The following SNX29 variants were observed in gnomAD, a reference collection of about 807,000 sequenced individuals.
SNX29 encodes sorting nexin 29, also known as sorting nexin-29.
Under a neutral mutation model 102.1 loss-of-function variants are expected in SNX29, and 78 were observed. The observed-to-expected ratio is 0.76, with a 90% CI of 0.64 to 0.92. The LOEUF is 0.92. SNX29 is among the 40% of genes least tolerant of loss of function. The pLI, the probability that SNX29 is intolerant of heterozygous loss-of-function variation, is 0.00. For missense variants in SNX29, 1,280 were observed against 1,061.7 expected (o/e 1.21, Z -2.86); for synonymous variants, 580 against 414.5 (o/e 1.40, Z -4.85).
In SNX29 at chr16:12,353,920, C is replaced by A. The variant is rs564780094; in HGVS notation, c.1783-2243C>A. On this transcript the variant is annotated intron_variant, in intron 15 of 20. Transcript: ENST00000566228. ...TTGGAGGAGAATGGATTGGAGGGCA[C>A]CTGTTCTCTCTCTGTCCTATTTTCT... Among the ~76,000 whole-genome samples the A allele has an allele frequency of 1.9e-3, 292 of 152,292 alleles. 2 individuals carry two copies. Among genetic ancestry groups the A allele is most frequent in the African/African-American group, 6.7e-3 (277 of 41,540 alleles).
intron 3 of SNX29, among the ~76,000 whole-genome samples, chr16:12,018,808 G>A (rs967497334): frequency 6.8e-5 from 10 of 147,940 alleles, no homozygotes; most frequent in Admixed American, 2.7e-4. Flanking sequence ...TGCAGGTCTC[G>A]AACTCCTGGG....
At position 12,364,181 on chromosome 16, in the gene SNX29, A is replaced by ATGTTATGTTATGTTG. The variant is rs1328460669; in HGVS notation, c.1899+7916_1899+7917insGTGTTATGTTATGTT. ...CTTGTTTGTTATGTTATGTTATGTT[A>ATGTTATGTTATGTTG]TGTTATGTTATGTTATGTTATGTTA... On this transcript the variant is annotated intron_variant, in intron 16 of 20. Transcript: ENST00000566228. Among the ~76,000 whole-genome samples, 10 of 150,340 alleles carry ATGTTATGTTATGTTG rather than the reference A, an allele frequency of 6.7e-5. No individual in the cohort carries two copies. The East Asian group carries it at 1.8e-3, about 27-fold the overall frequency.
At chr16:12,070,022 C>T (rs2051223809) in intron 10 of SNX29, among the ~76,000 whole-genome samples, 1 of 152,180 alleles carries the variant, frequency 6.6e-6, no homozygotes, top group Non-Finnish European at 1.5e-5. Context: ...CAAGATTTGA[C>T]CATCCTAGTG....
At chr16:12,559,733 G>C (rs1424643020) in intron 20 of SNX29, among the ~76,000 whole-genome samples, 4 of 152,098 alleles carry the variant, frequency 2.6e-5, no homozygotes, top group Non-Finnish European at 4.4e-5. Context: ...AGAAATAGAT[G>C]AAATAGTGAT....
intron 15 of SNX29, among the ~76,000 whole-genome samples, chr16:12,303,347 C>G (rs3924882): frequency 0.032 from 4,908 of 152,262 alleles, 127 homozygotes; most frequent in African/African-American, 0.062. Context: ...CTTAGATATC[C>G]ATCGATAAGA....
chr16:12,039,926 A>G (rs1007357080), intron 4 of SNX29, among the ~76,000 whole-genome samples: 1 of 152,242 alleles, frequency 6.6e-6, no homozygotes, highest in East Asian at 1.9e-4. Flanking sequence ...TTACTGCAAT[A>G]GCTGGTGCAT....
chr16:12,006,729 C>G (rs1057459487), intron 3 of SNX29, among the ~76,000 whole-genome samples: 1 of 151,862 alleles, frequency 6.6e-6, no homozygotes, highest in Non-Finnish European at 1.5e-5. Flanking sequence ...CAAGATCTTC[C>G]CATCTCAGCC....
chr16:11,986,024 C>G (rs538328419), intron 1 of SNX29, among the ~76,000 whole-genome samples: 34 of 151,808 alleles, frequency 2.2e-4, no homozygotes, highest in Admixed American at 3.9e-4. Flanking sequence ...AGACTGGTCT[C>G]GAACTCCTGA....
intron 19 of SNX29, among the ~76,000 whole-genome samples, chr16:12,501,395 C>T (rs60216750): frequency 2.2e-3 from 336 of 152,034 alleles, no homozygotes; most frequent in African/African-American, 7.9e-3. Flanking sequence ...CAGAGTGAAA[C>T]GCTATCTCTT....
intron 15 of SNX29, among the ~76,000 whole-genome samples, chr16:12,338,494 C>T (rs928415558): frequency 6.6e-6 from 1 of 152,198 alleles, no homozygotes; most frequent in Non-Finnish European, 1.5e-5. Flanking sequence ...TGCACAGGTT[C>T]CCACAAGGGG....
chr16:12,419,262 T>C (rs2084773471), intron 18 of SNX29, among the ~76,000 whole-genome samples: 1 of 152,114 alleles, frequency 6.6e-6, no homozygotes, highest in African/African-American at 2.4e-5. Context: ...CCCAGATACT[T>C]GTGTGACAGC....
chr16:12,180,667 A>G lies in SNX29; in HGVS notation c.1596-18934A>G, dbSNP rs560458697. On this transcript the variant is annotated intron_variant, in intron 13 of 20. Coordinates refer to ENST00000566228, the MANE Select transcript of SNX29 (RefSeq NM_032167.5). ...TCCGGCTAATTTTTTAAATATTTTTAGTAGAGACGGGGTTTCACCGTGTAA... is the reference window on the plus strand; with the variant it reads ...TCCGGCTAATTTTTTAAATATTTTTGGTAGAGACGGGGTTTCACCGTGTAA... Among the ~76,000 whole-genome samples the G allele has an allele frequency of 1.4e-3, 214 of 152,258 alleles. 1 individual carries two copies. Among genetic ancestry groups the G allele is most frequent in the Middle Eastern group, 3.4e-3 (1 of 294 alleles).
chr16:12,179,955 A>G (rs898551234), intron 13 of SNX29, among the ~76,000 whole-genome samples: 43 of 152,322 alleles, frequency 2.8e-4, no homozygotes, highest in African/African-American at 1.0e-3. Context: ...GGTGTTAGTC[A>G]TTCCGTCAGT....
chr16:12,459,498 A>G (rs1268280134), intron 18 of SNX29, among the ~76,000 whole-genome samples: 3 of 152,166 alleles, frequency 2.0e-5, no homozygotes, highest in East Asian at 3.9e-4. Flanking sequence ...AGAACTGAAG[A>G]AGAGGAAGTG....
rs1415537980 is a variant in SNX29 at position 12,159,597 on chromosome 16, C to T, written c.1595+29839C>T. ...CACTGGGGCTGGGCACGGTAGCTCACACCTGTAATCCTAACACTTTGGGGA... is the reference window on the plus strand; with the variant it reads ...CACTGGGGCTGGGCACGGTAGCTCATACCTGTAATCCTAACACTTTGGGGA... On this transcript the variant is annotated intron_variant, in intron 13 of 20. Coordinates refer to ENST00000566228, the MANE Select transcript of SNX29 (RefSeq NM_032167.5). 3.3e-5 allele frequency among the ~76,000 whole-genome samples: 5 copies of T among 152,308 alleles called. No homozygotes were observed. The East Asian group carries it at 9.6e-4, about 29-fold the overall frequency.
At chr16:12,364,217 T>TGTTATGTTATGTTATGTTATGTTATGTTA (rs1567481923) in intron 16 of SNX29, among the ~76,000 whole-genome samples, 5 of 149,068 alleles carry the variant, frequency 3.4e-5, no homozygotes, top group African/African-American at 1.2e-4. Context: ...TGTTATGTTA[T>TGTTATGTTATGTTATGTTATGTTATGTTA]TTTTGTAGAG....
intron 15 of SNX29, among the ~76,000 whole-genome samples, chr16:12,349,095 C>G (rs1274123830): frequency 6.6e-6 from 1 of 152,216 alleles, no homozygotes; most frequent in Non-Finnish European, 1.5e-5. Flanking sequence ...AGTTGTGGCT[C>G]TGTTAGGGAG....
intron 18 of SNX29, among the ~76,000 whole-genome samples, chr16:12,460,634 G>C (rs1002472404): frequency 6.6e-6 from 1 of 151,394 alleles, no homozygotes; most frequent in Admixed American, 6.6e-5. Context: ...TGGCTGGCTG[G>C]CTGCCTCACA....
chr16:11,991,129 C>T (rs1043571969), intron 1 of SNX29, among the ~76,000 whole-genome samples: 2 of 152,222 alleles, frequency 1.3e-5, no homozygotes, highest in South Asian at 2.1e-4. Flanking sequence ...TGAGGCAGCC[C>T]GCCACAGATG....
Sources: allele counts gnomAD v4.1 joint callset (sites outside exome capture counted in the v4.1 genomes callset), GRCh38; gene constraint gnomAD v4.1.1; transcripts MANE v1.5; gene names NCBI Gene and HGNC (gene_info 2026-07-23, HGNC 2026-07-21).